TENM1: variants seen among roughly 807,000 people sequenced by gnomAD.
The protein encoded by TENM1 is teneurin-1.
Under a neutral mutation model 174.8 loss-of-function variants are expected in TENM1, and 35 were observed. The ratio of observed to expected loss-of-function variants is 0.20; its 90% CI spans 0.15 to 0.27. TENM1 has a LOEUF of 0.27. Among genes scored for constraint, TENM1 ranks in the 10% least tolerant of loss-of-function variants. TENM1 has a pLI of 1.00. For missense variants in TENM1, 1,633 were observed against 2,130.1 expected (o/e 0.77, Z 4.59); for synonymous variants, 781 against 798.7 (o/e 0.98, Z 0.37).
intron 3 of TENM1, among the ~76,000 whole-genome samples, chrX:124,831,104 T>C (rs560016767): frequency 9.0e-6 from 1 of 111,664 alleles, no homozygotes; most frequent in South Asian, 3.8e-4. Context: ...CTCTCACGAC[T>C]TTATTTTCTG....
intron 4 of TENM1, among the ~76,000 whole-genome samples, chrX:124,706,641 T>C (rs2052912590): frequency 8.9e-6 from 1 of 112,026 alleles, no homozygotes; most frequent in South Asian, 3.7e-4. Flanking sequence ...TAAACAGTAG[T>C]AATGTATTCA....
chrX:124,586,192 C>T (rs754730964), intron 11 of TENM1, among the ~76,000 whole-genome samples: 138 of 110,871 alleles, frequency 1.2e-3, no homozygotes, highest in African/African-American at 4.3e-3. Flanking sequence ...TTTTATGAGG[C>T]CAGCATCATC....
At chrX:124,655,433 G>T (rs904927952) in intron 6 of TENM1, among the ~76,000 whole-genome samples, 10 of 112,042 alleles carry the variant, frequency 8.9e-5, no homozygotes, top group Non-Finnish European at 5.6e-5. Context: ...AGCAAGGAGG[G>T]TTACATCTCA....
chrX:125,103,336 T>C, the TENM1 span, among the ~76,000 whole-genome samples: 430 of 111,384 alleles, frequency 3.9e-3, 2 homozygotes, highest in African/African-American at 0.013. Context: ...ATAAAAGCTG[T>C]GCACATATCT....
At chrX:124,940,139 T>C (rs1262112664) in intron 1 of TENM1, among the ~76,000 whole-genome samples, 1 of 111,713 alleles carries the variant, frequency 9.0e-6, no homozygotes, top group Non-Finnish European at 1.9e-5. Flanking sequence ...GCTTTGTCAA[T>C]CAAAGTACAT....
At chrX:124,710,663 A>C (rs1295986985) in intron 4 of TENM1, among the ~76,000 whole-genome samples, 1 of 112,285 alleles carries the variant, frequency 8.9e-6, no homozygotes, top group African/African-American at 3.2e-5. Context: ...ACAACATTTA[A>C]ACTAATTTTT....
At chrX:124,869,182 G>A (rs906652981) in intron 3 of TENM1, among the ~76,000 whole-genome samples, 12 of 109,502 alleles carry the variant, frequency 1.1e-4, no homozygotes, top group African/African-American at 3.0e-4. Context: ...GCAGTGAGCC[G>A]AGATCATGCC....
chrX:125,004,941 C>T, the TENM1 span, among the ~76,000 whole-genome samples: 1 of 110,666 alleles, frequency 9.0e-6, no homozygotes, highest in Admixed American at 9.7e-5. Context: ...AATATTGAAA[C>T]GACTGGCTCA....
chrX:125,086,739 A>T, the TENM1 span, among the ~76,000 whole-genome samples: 1 of 110,885 alleles, frequency 9.0e-6, no homozygotes. Flanking sequence ...CTTAGAAAAC[A>T]TATTCTCTGC....
chrX:124,429,430 T>G (rs1052362291), intron 23 of TENM1, among the ~76,000 whole-genome samples: 1 of 110,685 alleles, frequency 9.0e-6, no homozygotes, highest in African/African-American at 3.3e-5. Context: ...CATAATGTGG[T>G]TAAGTGTCAT....
the TENM1 span, among the ~76,000 whole-genome samples, chrX:125,099,218 T>G: frequency 8.9e-6 from 1 of 112,003 alleles, no homozygotes; most frequent in Non-Finnish European, 1.9e-5. Context: ...TTTGTCTGTT[T>G]GGGTTTTTTT....
intron 3 of TENM1, among the ~76,000 whole-genome samples, chrX:124,759,171 A>G (rs1009203739): frequency 4.5e-5 from 5 of 111,689 alleles, no homozygotes; most frequent in African/African-American, 1.6e-4. Context: ...TCTGTGGGTC[A>G]GCAATATCAC....
At chrX:125,020,634 T>C in the TENM1 span, among the ~76,000 whole-genome samples, 98 of 110,582 alleles carry the variant, frequency 8.9e-4, no homozygotes, top group African/African-American at 2.9e-3. Flanking sequence ...TTCTGAAGAA[T>C]TGATTATTTC....
At chrX:124,912,362 G>T (rs2057850989) in intron 1 of TENM1, among the ~76,000 whole-genome samples, 1 of 111,501 alleles carries the variant, frequency 9.0e-6, no homozygotes, top group Non-Finnish European at 1.9e-5. Context: ...TCCCTGTTCT[G>T]TGTGTTCACT....
intron 8 of TENM1, among the ~76,000 whole-genome samples, chrX:124,649,140 C>CAGAA (rs2051234009): frequency 1.8e-5 from 2 of 112,262 alleles, no homozygotes; most frequent in East Asian, 5.6e-4. Context: ...TAATCTTTGA[C>CAGAA]TTCTATCTTT....
chrX:125,127,954 C>A, the TENM1 span, among the ~76,000 whole-genome samples: 6 of 110,990 alleles, frequency 5.4e-5, no homozygotes, highest in Non-Finnish European at 7.6e-5. Context: ...CAGCCAAACA[C>A]TAAACACATT....
chrX:125,184,232 T>G, the TENM1 span, among the ~76,000 whole-genome samples: 1 of 112,143 alleles, frequency 8.9e-6, no homozygotes, highest in Admixed American at 9.5e-5. Context: ...TCACATTAGC[T>G]TAGTAAGACT....
rs143886621 is a variant in TENM1 at position 124,828,389 on chromosome X, T to C, written c.535+65907A>G. ...GCTCTATGCTATACTCCTAGTATAGTTGTTATTATATTGTTTTAGCCACAA... is the reference window on the plus strand; with the variant it reads ...GCTCTATGCTATACTCCTAGTATAGCTGTTATTATATTGTTTTAGCCACAA... On this transcript the variant is annotated intron_variant, in intron 3 of 31. Coordinates refer to ENST00000422452, the Ensembl canonical transcript of TENM1. 2.5e-3 allele frequency among the ~76,000 whole-genome samples: 282 copies of C among 112,477 alleles called. 2 individuals are homozygous for C. Among genetic ancestry groups the C allele is most frequent in the African/African-American group, 8.7e-3 (269 of 31,027 alleles).
At chrX:124,660,426 A>T (rs2051570203) in intron 6 of TENM1, among the ~76,000 whole-genome samples, 1 of 111,465 alleles carries the variant, frequency 9.0e-6, no homozygotes, top group Non-Finnish European at 1.9e-5. Context: ...CACTATCAAG[A>T]AAGTGGAAAA....
Sources: allele counts gnomAD v4.1 joint callset (sites outside exome capture counted in the v4.1 genomes callset), GRCh38; gene constraint gnomAD v4.1.1; transcripts MANE v1.5; gene names NCBI Gene and HGNC (gene_info 2026-07-23, HGNC 2026-07-21).